The following DNAH11 variants were observed in gnomAD, a reference collection of about 807,000 sequenced individuals.
DNAH11 encodes axonemal beta dynein heavy chain 11.
Under a neutral mutation model 526.0 loss-of-function variants are expected in DNAH11, and 442 were observed. That is an observed-to-expected ratio of 0.84 (90% CI 0.78 to 0.91). The LOEUF (loss-of-function observed/expected upper bound fraction) is 0.91, where lower values mean the gene tolerates loss of function less well. Among genes scored for constraint, DNAH11 ranks in the 40% least tolerant of loss-of-function variants. DNAH11 has a pLI of 0.00. For missense variants in DNAH11, 6,989 were observed against 5,448.7 expected (o/e 1.28, Z -8.90); for synonymous variants, 2,461 against 1,935.9 (o/e 1.27, Z -7.12).
chr7:21,809,603 G>A (rs113380610), intron 63 of DNAH11, among the ~76,000 whole-genome samples: 2,698 of 151,940 alleles, frequency 0.018, 69 homozygotes, highest in African/African-American at 0.057. Context: ...CCCTCTTGTT[G>A]CCCAGGCTGG....
chr7:21,823,934 C>G (rs892086149), intron 65 of DNAH11, among the ~76,000 whole-genome samples: 1 of 152,156 alleles, frequency 6.6e-6, no homozygotes, highest in Non-Finnish European at 1.5e-5. Flanking sequence ...TTGGGGTTCT[C>G]TTTTGATGAT....
intron 28 of DNAH11, among the ~76,000 whole-genome samples, chr7:21,648,596 A>G (rs539105153): frequency 7.2e-5 from 11 of 152,374 alleles, no homozygotes; most frequent in Admixed American, 6.5e-4. Flanking sequence ...TATGTGGGAC[A>G]GCCCAGCTGG....
At chr7:21,690,076 C>G (rs1783547950) in intron 34 of DNAH11, among the ~76,000 whole-genome samples, 1 of 152,182 alleles carries the variant, frequency 6.6e-6, no homozygotes, top group South Asian at 2.1e-4. Flanking sequence ...GAGTATTTTC[C>G]ATGTTCTAGG....
intron 5 of DNAH11, among the ~76,000 whole-genome samples, chr7:21,563,912 G>A (rs773351761): frequency 6.6e-6 from 1 of 151,976 alleles, no homozygotes; most frequent in Non-Finnish European, 1.5e-5. Flanking sequence ...AGACTCCAGG[G>A]GTATTTTCCC....
intron 20 of DNAH11, among the ~76,000 whole-genome samples, chr7:21,609,401 G>C (rs1562697949): frequency 6.6e-6 from 1 of 152,044 alleles, no homozygotes; most frequent in Non-Finnish European, 1.5e-5. Context: ...TGTATTTTTA[G>C]TAGAGACAGG....
chr7:21,754,268 G>A (rs757495620), intron 54 of DNAH11, among the ~76,000 whole-genome samples: 1 of 152,128 alleles, frequency 6.6e-6, no homozygotes, highest in Admixed American at 6.6e-5. Flanking sequence ...TGTCAAAGAA[G>A]TATCTACCTA....
rs373691639 is a variant in DNAH11 at position 21,799,377 on chromosome 7, T to A, written c.10027-1760T>A. Among the ~76,000 whole-genome samples, 7 of 152,208 alleles carry A rather than the reference T, an allele frequency of 4.6e-5. No individual in the cohort carries two copies. The South Asian group carries it at 6.2e-4, about 14-fold the overall frequency. On this transcript the variant is annotated intron_variant, in intron 61 of 81. Transcript: ENST00000409508. Reference sequence around the variant, plus strand: ...TTTAAGACGGAGTCTTGCTCTTGTTTCCCAGACTGGAGTGCAATGGCATGA... The same window carrying A: ...TTTAAGACGGAGTCTTGCTCTTGTTACCCAGACTGGAGTGCAATGGCATGA...
chr7:21,566,429 C>T (rs895804203), intron 6 of DNAH11, among the ~76,000 whole-genome samples: 1 of 152,146 alleles, frequency 6.6e-6, no homozygotes, highest in Non-Finnish European at 1.5e-5. Context: ...AGCTGGTTCC[C>T]TGAAGCACTA....
rs74359602 is a variant in DNAH11 at position 21,718,789 on chromosome 7, T to C, written c.7134+864T>C. On this transcript the variant is annotated intron_variant, in intron 43 of 81. Coordinates refer to ENST00000409508, the MANE Select transcript of DNAH11 (RefSeq NM_001277115.2). The stretch of plus-strand genomic sequence containing the variant: ...AAGTACTTTGTTACCATTAAGTGAG[T>C]GTGTTACCAAATTTGTTTGACGCAA... Among the ~76,000 whole-genome samples the C allele has an allele frequency of 4.3e-3, 648 of 152,266 alleles. 6 individuals carry two copies. The highest frequency in any genetic ancestry group is 0.015 in the African/African-American group (632 of 41,556).
intron 20 of DNAH11, among the ~76,000 whole-genome samples, chr7:21,610,168 G>C (rs1785458801): frequency 6.6e-6 from 1 of 152,192 alleles, no homozygotes; most frequent in African/African-American, 2.4e-5. Flanking sequence ...GCAGGAGAAT[G>C]GCGTGAACCT....
At chr7:21,785,943 T>A (rs929430281) in intron 58 of DNAH11, among the ~76,000 whole-genome samples, 9 of 152,210 alleles carry the variant, frequency 5.9e-5, no homozygotes, top group African/African-American at 1.9e-4. Flanking sequence ...TTTTTGTTTT[T>A]CAAATCATGT....
At chr7:21,845,767 A>G (rs1222595131) in intron 66 of DNAH11, among the ~76,000 whole-genome samples, 2 of 152,162 alleles carry the variant, frequency 1.3e-5, no homozygotes, top group Non-Finnish European at 2.9e-5. Context: ...ATGTACAGGT[A>G]TTTTGAATAA....
intron 72 of DNAH11, among the ~76,000 whole-genome samples, chr7:21,868,500 CA>C (rs5882828): frequency 0.82 from 124,655 of 152,060 alleles, 51,983 homozygotes; most frequent in African/African-American, 0.88. Flanking sequence ...CAGATCCATT[CA>C]AAAAAAATGA....
chr7:21,744,049 A>G lies in DNAH11; in HGVS notation c.8155-389A>G, dbSNP rs78815522. ...TTGGTCTTGTATTCTTCATCTGTGA[A>G]ATGATTAGACTGATATCAAGTGATT... is the stretch of plus-strand genomic sequence containing the variant. On this transcript the variant is annotated intron_variant, in intron 49 of 81. Coordinates refer to ENST00000409508, the MANE Select transcript of DNAH11 (RefSeq NM_001277115.2). Among the ~76,000 whole-genome samples, 854 of 152,242 alleles carry G rather than the reference A, an allele frequency of 5.6e-3. 12 individuals are homozygous for G. The highest frequency in any genetic ancestry group is 0.019 in the African/African-American group (806 of 41,556).
In DNAH11 at chr7:21,559,138, G is replaced by A. The variant is rs1783342231; in HGVS notation, c.692+140G>A. The A allele has an allele frequency of 4.8e-6, 3 of 627,646 alleles. No homozygotes were observed. The South Asian group carries it at 7.4e-5, about 15-fold the overall frequency. The allele number at this position is 627,646 out of a possible 1,614,324, so 38.9% of individuals were successfully genotyped here. ...CAGGAGTTCAAGACTAGCCTGGGCA[G>A]CATAGTGAGATCTCATCTCCACAAA... On this transcript the variant is annotated intron_variant, in intron 3 of 81. Transcript: ENST00000409508.
chr7:21,720,255 A>G (rs766461897), intron 43 of DNAH11, among the ~76,000 whole-genome samples: 1 of 152,248 alleles, frequency 6.6e-6, no homozygotes, highest in Non-Finnish European at 1.5e-5. Context: ...CAAGAAGGAA[A>G]TAGTAAAATA....
intron 9 of DNAH11, 111 bp downstream of exon 9, chr7:21,582,132 A>G (rs1784333256): frequency 1.5e-6 from 1 of 658,106 alleles, no homozygotes; most frequent in Non-Finnish European, 2.6e-6. Flanking sequence ...TTAACTAGTC[A>G]TATTCCCTTC....
intron 76 of DNAH11, among the ~76,000 whole-genome samples, chr7:21,887,721 C>T (rs950442833): frequency 7.2e-5 from 11 of 152,134 alleles, no homozygotes; most frequent in African/African-American, 2.4e-4. Flanking sequence ...ATACATTAAT[C>T]TGTGATAACA....
rs1424806405 is a variant in DNAH11, at chr7:21,813,354, A to G, written c.10333-3113A>G. Among the ~76,000 whole-genome samples the G allele has an allele frequency of 2.0e-5, 3 of 152,222 alleles. No homozygotes were observed. The East Asian group carries it at 5.8e-4, about 29-fold the overall frequency. ...TATTAATTAGTTATTACAAGCACTA[A>G]TGCTAAGCCTCTGTGTCCTAAGCAA... On this transcript the variant is annotated intron_variant, in intron 63 of 81. Transcript: ENST00000409508.
Sources: allele counts gnomAD v4.1 joint callset (sites outside exome capture counted in the v4.1 genomes callset), GRCh38; gene constraint gnomAD v4.1.1; transcripts MANE v1.5; gene names NCBI Gene and HGNC (gene_info 2026-07-23, HGNC 2026-07-21).